ALK: variants seen among roughly 807,000 people sequenced by gnomAD.
The protein encoded by ALK is ALK receptor tyrosine kinase, also known as ALK tyrosine kinase receptor.
ALK carries 74 observed loss-of-function variants against 163.1 expected under a neutral mutation model. The ratio of observed to expected loss-of-function variants is 0.45; its 90% CI spans 0.38 to 0.55. ALK has a LOEUF of 0.55. Ranked by LOEUF, ALK falls within the 20% of genes least tolerant of loss-of-function variation. The probability of loss-of-function intolerance (pLI) is 0.00; values close to 1 mark genes in which losing one functional copy is unlikely to be tolerated. For missense variants in ALK, 2,063 were observed against 2,105.3 expected (o/e 0.98, Z 0.39); for synonymous variants, 960 against 843.2 (o/e 1.14, Z -2.40).
At chr2:29,881,119 C>A (rs1245284351) in intron 1 of ALK, among the ~76,000 whole-genome samples, 1 of 152,192 alleles carries the variant, frequency 6.6e-6, no homozygotes, top group Admixed American at 6.5e-5. Flanking sequence ...GATGCACCTG[C>A]AAATTGTATG....
At chr2:29,727,375 A>G (rs1679604362) in intron 1 of ALK, among the ~76,000 whole-genome samples, 1 of 152,184 alleles carries the variant, frequency 6.6e-6, no homozygotes, top group Non-Finnish European at 1.5e-5. Flanking sequence ...TCCAGATGCC[A>G]CATTACTCAG....
intron 3 of ALK, among the ~76,000 whole-genome samples, chr2:29,608,964 A>G (rs554984261): frequency 6.6e-6 from 1 of 152,266 alleles, no homozygotes; most frequent in African/African-American, 2.4e-5. Flanking sequence ...TTGCTCTGTC[A>G]TTCAGGCTGG....
intron 5 of ALK, among the ~76,000 whole-genome samples, chr2:29,353,361 C>T (rs1668165170): frequency 6.6e-6 from 1 of 152,184 alleles, no homozygotes; most frequent in African/African-American, 2.4e-5. Context: ...AATCAATCAC[C>T]AATTTTTTTC....
At chr2:29,325,517 C>T (rs116314926) in intron 6 of ALK, among the ~76,000 whole-genome samples, 2,696 of 152,234 alleles carry the variant, frequency 0.018, 84 homozygotes, top group African/African-American at 0.061. Context: ...CAGAGAAAGG[C>T]GGTAGCAGGG....
intron 28 of ALK, among the ~76,000 whole-genome samples, chr2:29,194,501 T>C (rs1398754392): frequency 6.6e-6 from 1 of 152,074 alleles, no homozygotes; most frequent in East Asian, 1.9e-4. Flanking sequence ...ACAGTGCATG[T>C]TTTTGTGTTT....
At chr2:29,286,554 G>A (rs749530425) in intron 9 of ALK, 4 of 152,076 alleles carry the variant, frequency 2.6e-5, no homozygotes, top group Non-Finnish European at 4.4e-5. Flanking sequence ...TGATCATAAT[G>A]TTCATCCAAG....
intron 3 of ALK, among the ~76,000 whole-genome samples, chr2:29,621,100 A>C (rs1255196322): frequency 6.6e-6 from 1 of 152,136 alleles, no homozygotes; most frequent in Non-Finnish European, 1.5e-5. Flanking sequence ...TTTCCAAAGG[A>C]GGGGGAGAGA....
At chr2:29,341,297 A>G (rs1667784131) in intron 5 of ALK, among the ~76,000 whole-genome samples, 1 of 152,082 alleles carries the variant, frequency 6.6e-6, no homozygotes, top group Non-Finnish European at 1.5e-5. Flanking sequence ...AGTGCTGCCA[A>G]CTCCATTCAG....
At chr2:29,833,799 T>C (rs748105595) in intron 1 of ALK, among the ~76,000 whole-genome samples, 5 of 152,212 alleles carry the variant, frequency 3.3e-5, no homozygotes, top group Non-Finnish European at 7.3e-5. Context: ...ATCTCAAGCA[T>C]GCAGCATCTC....
chr2:29,735,889 T>C (rs536771829), intron 1 of ALK, among the ~76,000 whole-genome samples: 84 of 152,214 alleles, frequency 5.5e-4, no homozygotes, highest in Non-Finnish European at 2.9e-5. Flanking sequence ...CCTTTATGAA[T>C]TACCCAGTCT....
At chr2:29,542,346 C>T (rs1276988698) in intron 3 of ALK, among the ~76,000 whole-genome samples, 1 of 152,166 alleles carries the variant, frequency 6.6e-6, no homozygotes, top group Admixed American at 6.5e-5. Context: ...CTTGAAGACA[C>T]TGATTTCCTC....
intron 3 of ALK, among the ~76,000 whole-genome samples, chr2:29,657,970 C>T (rs762888114): frequency 2.0e-5 from 3 of 152,062 alleles, no homozygotes; most frequent in African/African-American, 7.2e-5. Context: ...GAGCATCTGT[C>T]TCACTCAACT....
chr2:29,815,097 G>A (rs912668510), intron 1 of ALK, among the ~76,000 whole-genome samples: 1 of 149,964 alleles, frequency 6.7e-6, no homozygotes, highest in African/African-American at 2.5e-5. Context: ...GTTTTGCAAG[G>A]TATGTCTGGA....
intron 4 of ALK, among the ~76,000 whole-genome samples, chr2:29,489,574 A>G (rs1201802628): frequency 6.6e-6 from 1 of 152,222 alleles, no homozygotes. Context: ...TATTGGGATT[A>G]CAGGTATGAA....
chr2:29,896,396 T>G (rs893048897), intron 1 of ALK, among the ~76,000 whole-genome samples: 3 of 152,168 alleles, frequency 2.0e-5, no homozygotes, highest in Non-Finnish European at 4.4e-5. Flanking sequence ...CCAATGTGAC[T>G]GCATTTGGAG....
chr2:29,880,647 G>A (rs1666840742), intron 1 of ALK, among the ~76,000 whole-genome samples: 1 of 152,194 alleles, frequency 6.6e-6, no homozygotes, highest in Admixed American at 6.5e-5. Context: ...ACGCCTCGGA[G>A]GAAAGGGGAG....
At chr2:29,772,847 A>C (rs1377830193) in intron 1 of ALK, among the ~76,000 whole-genome samples, 2 of 152,212 alleles carry the variant, frequency 1.3e-5, no homozygotes, top group African/African-American at 4.8e-5. Context: ...AGGTCTTGAT[A>C]ATATTTTCCT....
At chr2:29,851,743 C>T (rs1162391594) in intron 1 of ALK, among the ~76,000 whole-genome samples, 5 of 152,238 alleles carry the variant, frequency 3.3e-5, no homozygotes, top group African/African-American at 1.2e-4. Context: ...TCCATGAGAA[C>T]AGGGGCCTGG....
intron 1 of ALK, among the ~76,000 whole-genome samples, chr2:29,752,583 C>T (rs1329799695): frequency 1.3e-5 from 2 of 151,854 alleles, no homozygotes; most frequent in Non-Finnish European, 2.9e-5. Context: ...CTCCTGACCT[C>T]GTGATCCGCC....
Sources: gnomAD v4.1 joint callset for allele counts (sites outside exome capture counted in the v4.1 genomes callset) on GRCh38, gnomAD v4.1.1 for gene constraint, MANE v1.5 for transcripts, NCBI Gene and HGNC (gene_info 2026-07-23, HGNC 2026-07-21) for gene names.